Variants in MAGI1 observed in about 807,000 individuals in gnomAD.
MAGI1 encodes the protein membrane-associated guanylate kinase, WW and PDZ domain-containing protein 1.
In MAGI1, 58 loss-of-function variants were observed where a neutral mutation model predicts 139.9. The observed-to-expected ratio is 0.41, with a 90% CI of 0.34 to 0.52. MAGI1 has a LOEUF of 0.52. Among genes scored for constraint, MAGI1 ranks in the 20% least tolerant of loss-of-function variants. The probability of loss-of-function intolerance (pLI) is 0.12; values close to 1 mark genes in which losing one functional copy is unlikely to be tolerated. For missense variants in MAGI1, 1,874 were observed against 1,901.6 expected (o/e 0.99, Z 0.27); for synonymous variants, 812 against 737.9 (o/e 1.10, Z -1.63).
At chr3:65,867,599 G>A (rs2059774334) in intron 1 of MAGI1, among the ~76,000 whole-genome samples, 1 of 152,146 alleles carries the variant, frequency 6.6e-6, no homozygotes, top group African/African-American at 2.4e-5. Context: ...GCCAGGTATA[G>A]TGGCCCACGC....
At chr3:66,021,681 G>A (rs73125760) in intron 1 of MAGI1, among the ~76,000 whole-genome samples, 12,640 of 152,192 alleles carry the variant, frequency 0.083, 712 homozygotes, top group Middle Eastern at 0.2. Context: ...CCGTAGGTCT[G>A]GGATGGGGTC....
intron 1 of MAGI1, among the ~76,000 whole-genome samples, chr3:65,652,510 AC>A (rs763885951): frequency 3.0e-4 from 46 of 152,296 alleles, no homozygotes; most frequent in East Asian, 2.7e-3. Context: ...GCTGGTGACA[AC>A]CAAAACCATC....
intron 1 of MAGI1, among the ~76,000 whole-genome samples, chr3:65,964,870 C>T (rs1410146853): frequency 1.3e-5 from 2 of 152,166 alleles, no homozygotes; most frequent in East Asian, 3.9e-4. Context: ...ATACACAGTC[C>T]CCTTTTTGTG....
rs571801378 is a variant in MAGI1 at position 65,688,103 on chromosome 3, T to G, written c.314-66015A>C. On this transcript the variant is annotated intron_variant, in intron 1 of 22. Coordinates refer to ENST00000402939, the MANE Select transcript of MAGI1 (RefSeq NM_001033057.2). ...AGCCTTTGGCCCTGAACACTGCACA[T>G]AGGTGTTGCTTGCAGATTCTAGGTG... is the stretch of plus-strand genomic sequence containing the variant. 3.9e-6 allele frequency: 3 copies of G among 760,032 alleles called. No individual in the cohort carries two copies. In the South Asian group the frequency reaches 4.0e-5, roughly 10 times the overall value. 47.1% of individuals were successfully genotyped at this position (760,032 alleles called of 1,614,324 possible).
intron 1 of MAGI1, among the ~76,000 whole-genome samples, chr3:66,024,315 TAAAAA>T (rs34593257): frequency 2.3e-3 from 217 of 95,754 alleles, no homozygotes; most frequent in African/African-American, 8.1e-3. Context: ...CAAAGTTCAT[TAAAAA>T]AAAAAAAAAA....
chr3:65,757,101 C>G (rs2036622716), intron 1 of MAGI1, among the ~76,000 whole-genome samples: 2 of 152,124 alleles, frequency 1.3e-5, no homozygotes, highest in Admixed American at 1.3e-4. Context: ...GAGCCCTTCT[C>G]AAATTATGTA....
At chr3:65,876,745 CT>C (rs1429265761) in intron 1 of MAGI1, among the ~76,000 whole-genome samples, 457 of 133,806 alleles carry the variant, frequency 3.4e-3, no homozygotes, top group Admixed American at 4.4e-3. Flanking sequence ...ATGTATCATG[CT>C]TTTTTTTTTT....
chr3:65,796,658 C>T (rs2040169529), intron 1 of MAGI1, among the ~76,000 whole-genome samples: 1 of 152,130 alleles, frequency 6.6e-6, no homozygotes, highest in Non-Finnish European at 1.5e-5. Context: ...TTTTTAAATG[C>T]CTAAACCTTC....
intron 1 of MAGI1, among the ~76,000 whole-genome samples, chr3:65,798,622 A>G (rs187682611): frequency 1.6e-3 from 243 of 151,492 alleles, no homozygotes; most frequent in Middle Eastern, 3.4e-3. Context: ...CAAAATAAAT[A>G]TTCCCAGGAG....
intron 1 of MAGI1, among the ~76,000 whole-genome samples, chr3:65,691,321 G>GAA (rs2088637231): frequency 2.4e-5 from 3 of 122,710 alleles, no homozygotes; most frequent in African/African-American, 8.7e-5. Flanking sequence ...AAAAAGAAAA[G>GAA]AAAAAGAAAA....
chr3:65,667,293 T>C (rs1035739939), intron 1 of MAGI1, among the ~76,000 whole-genome samples: 1 of 152,268 alleles, frequency 6.6e-6, no homozygotes, highest in Admixed American at 6.5e-5. Context: ...AGGGGAGGTT[T>C]CAAAATGATT....
chr3:65,763,467 T>G (rs1227275715), intron 1 of MAGI1, among the ~76,000 whole-genome samples: 3 of 152,168 alleles, frequency 2.0e-5, no homozygotes, highest in African/African-American at 7.2e-5. Context: ...AGGTAAAAGT[T>G]TGCCTATCCT....
chr3:65,446,808 C>A (rs4234687), intron 7 of MAGI1, among the ~76,000 whole-genome samples: 28,591 of 152,124 alleles, frequency 0.19, 2,894 homozygotes, highest in Non-Finnish European at 0.23. Flanking sequence ...CTCACAATGA[C>A]CACAAAGACA....
At chr3:65,717,949 G>C (rs1194298269) in intron 1 of MAGI1, among the ~76,000 whole-genome samples, 1 of 152,160 alleles carries the variant, frequency 6.6e-6, no homozygotes, top group Non-Finnish European at 1.5e-5. Context: ...ACATAAGAAA[G>C]ATTTTTTTCC....
chr3:65,599,549 ATTAC>A (rs2082384398), intron 2 of MAGI1, among the ~76,000 whole-genome samples: 1 of 152,156 alleles, frequency 6.6e-6, no homozygotes, highest in South Asian at 2.1e-4. Context: ...ACTGTAGATA[ATTAC>A]TTGCCTGTTT....
In MAGI1 at chr3:66,038,624, ATT is replaced by A. The variant is rs143358407; in HGVS notation, c.-318_-317del. 1 of 316,270 alleles carries A rather than the reference ATT, an allele frequency of 3.2e-6. No individual in the cohort carries two copies. The allele number at this position is 316,270 out of a possible 1,614,324, so 19.6% of individuals were successfully genotyped here. A position where few individuals can be genotyped will look rare whatever the true frequency, so the allele number is the denominator to read the frequency against. Reference sequence around the variant, plus strand: ...GAGTCCACTCTGCGCCGCTCGGGTTATTTTTTTTTCCTTCCTTCCTTTCTCTC... The same window carrying A: ...GAGTCCACTCTGCGCCGCTCGGGTTATTTTTTTCCTTCCTTCCTTTCTCTC... On this transcript the variant is annotated 5_prime_UTR_variant, in exon 1 of 23. Coordinates refer to ENST00000402939, the MANE Select transcript of MAGI1 (RefSeq NM_001033057.2).
intron 12 of MAGI1, chr3:65,401,838 T>C: frequency 1.6e-6 from 2 of 1,259,236 alleles, no homozygotes; most frequent in Non-Finnish European, 2.0e-6. Flanking sequence ...GTTATTTCCT[T>C]TCCACACGAT....
At chr3:65,359,553 CA>C (rs1414579998) in intron 22 of MAGI1, 1 of 899,406 alleles carries the variant, frequency 1.1e-6, no homozygotes, top group Non-Finnish European at 1.3e-6. Context: ...AAATTAAGTA[CA>C]AAAAACTCAT....
intron 1 of MAGI1, among the ~76,000 whole-genome samples, chr3:65,898,929 A>T (rs1037966479): frequency 5.9e-5 from 9 of 151,812 alleles, no homozygotes; most frequent in Admixed American, 2.6e-4. Context: ...ATTTAAAAAA[A>T]TTTTTTTTTG....
Sources: allele counts gnomAD v4.1 joint callset (sites outside exome capture counted in the v4.1 genomes callset), GRCh38; gene constraint gnomAD v4.1.1; transcripts MANE v1.5; gene names NCBI Gene and HGNC (gene_info 2026-07-23, HGNC 2026-07-21).